Variants in TNPO1 observed in about 807,000 individuals in gnomAD.
The protein encoded by TNPO1 is transportin-1.
A neutral mutation model predicts 119.5 loss-of-function variants in TNPO1; 8 were observed. The observed-to-expected ratio is 0.07, with a 90% CI of 0.04 to 0.12. The LOEUF (loss-of-function observed/expected upper bound fraction) is 0.12, where lower values mean the gene tolerates loss of function less well. Among genes scored for constraint, TNPO1 ranks in the 10% least tolerant of loss-of-function variants. The pLI, the probability that TNPO1 is intolerant of heterozygous loss-of-function variation, is 1.00. For missense variants in TNPO1, 576 were observed against 1,089.8 expected (o/e 0.53, Z 6.64); for synonymous variants, 362 against 363.0 (o/e 1.00, Z 0.03).
At chr5:72,887,043 A>G (rs1353571364) in intron 11 of TNPO1, 27 bp from the exon 12 acceptor site, 6 of 1,590,598 alleles carry the variant, frequency 3.8e-6, no homozygotes, top group South Asian at 3.5e-5. Flanking sequence ...GGTTAATGTA[A>G]TATTTTTGAA....
At chr5:72,855,693 TATAA>T in intron 3 of TNPO1, 77 bp from the exon 4 acceptor site, 4 of 1,187,480 alleles carry the variant, frequency 3.4e-6, no homozygotes, top group Non-Finnish European at 4.7e-6. Context: ...AACTTTTGAA[TATAA>T]ATGTTTTTAA....
Position 72,914,244 on chromosome 5 carries a change from T to A in TNPO1, c.*5571T>A, listed in dbSNP as rs553026886. 3.3e-5 allele frequency: 5 copies of A among 152,650 alleles called. No homozygotes were observed. The East Asian group carries it at 9.6e-4, about 29-fold the overall frequency. 9.5% of individuals were successfully genotyped at this position (152,650 alleles called of 1,614,324 possible). A position where few individuals can be genotyped will look rare whatever the true frequency, so the allele number is the denominator to read the frequency against. On this transcript the variant is annotated 3_prime_UTR_variant, in exon 25 of 25. Coordinates refer to ENST00000337273, the MANE Select transcript of TNPO1 (RefSeq NM_002270.4). ...ATAAGCTGCTGAATTTTAAAGAGAGTTTTTTGGGGCCACCAAATATTTTGG... is the reference window on the plus strand; with the variant it reads ...ATAAGCTGCTGAATTTTAAAGAGAGATTTTTGGGGCCACCAAATATTTTGG...
intron 1 of TNPO1, among the ~76,000 whole-genome samples, chr5:72,821,156 C>T (rs751479211): frequency 3.3e-5 from 5 of 150,996 alleles, no homozygotes; most frequent in Non-Finnish European, 7.4e-5. Flanking sequence ...GAACTGCCTA[C>T]AAGGTGTAGG....
At chr5:72,891,764 G>GAC (rs768143828) in intron 14 of TNPO1, 46 bp from the exon 15 acceptor site, 2 of 1,356,612 alleles carry the variant, frequency 1.5e-6, no homozygotes, top group East Asian at 4.6e-5. Flanking sequence ...TGGTCTTGTT[G>GAC]ACATGTGATA....
At chr5:72,883,709 A>G (rs143497596) in intron 11 of TNPO1, among the ~76,000 whole-genome samples, 25 of 152,186 alleles carry the variant, frequency 1.6e-4, no homozygotes, top group Non-Finnish European at 2.8e-4. Flanking sequence ...ATACTCATGT[A>G]TAATTTTTGT....
chr5:72,905,279 ATT>A (rs1463134989), intron 23 of TNPO1, 22 bp from the exon 24 acceptor site: 2 of 1,543,412 alleles, frequency 1.3e-6, no homozygotes, highest in South Asian at 2.3e-5. Context: ...TTATTGATAA[ATT>A]AATGGTTTTT....
intron 24 of TNPO1, among the ~76,000 whole-genome samples, chr5:72,906,780 C>G (rs1052483460): frequency 5.3e-5 from 8 of 152,100 alleles, no homozygotes; most frequent in African/African-American, 1.7e-4. Flanking sequence ...GATGCCAGAA[C>G]TTAGTATGTT....
intron 9 of TNPO1, chr5:72,879,300 C>G (rs1269745498): frequency 6.4e-6 from 1 of 156,500 alleles, no homozygotes; most frequent in Non-Finnish European, 1.4e-5. Context: ...ATAACATAAA[C>G]CTATGCTATA....
At chr5:72,861,704 A>G (rs190776059) in intron 4 of TNPO1, 104 bp from the exon 5 acceptor site, 2 of 815,592 alleles carry the variant, frequency 2.5e-6, no homozygotes, top group East Asian at 2.7e-5. Flanking sequence ...TGCCTGGCCA[A>G]ATGTTATTAT....
rs911102029 is a variant in TNPO1 at position 72,906,106 on chromosome 5, G to A, written c.*35+661G>A. Among the ~76,000 whole-genome samples the A allele has an allele frequency of 5.3e-5, 8 of 151,758 alleles. No individual in the cohort carries two copies. The East Asian group carries it at 9.7e-4, about 18-fold the overall frequency. ...GAAGACATCGGCACTCATAGTGATG[G>A]GGTAAAATTGATTTCATTTTGGAGC... is the stretch of plus-strand genomic sequence containing the variant. On this transcript the variant is annotated intron_variant, in intron 24 of 24. Transcript: ENST00000337273.
intron 11 of TNPO1, among the ~76,000 whole-genome samples, chr5:72,885,743 G>GTT (rs34593186): frequency 1.1e-4 from 15 of 136,156 alleles, no homozygotes; most frequent in South Asian, 2.3e-4. Context: ...GTTTGGTTTG[G>GTT]TTTTTTTTTT....
rs79256377 is a variant in TNPO1, at chr5:72,834,876, A to G, written c.16-13509A>G. Among the ~76,000 whole-genome samples the G allele has an allele frequency of 2.9e-3, 448 of 152,116 alleles. 2 individuals are homozygous for G. The highest frequency in any genetic ancestry group is 0.01 in the African/African-American group (427 of 41,460). On this transcript the variant is annotated intron_variant, in intron 1 of 24. Coordinates refer to ENST00000337273, the MANE Select transcript of TNPO1 (RefSeq NM_002270.4). ...TTTTTTTATTTTTCATGCTTTTTAT[A>G]CTTTATTTTTTATTTTTATGCCTTT... is the stretch of plus-strand genomic sequence containing the variant.
chr5:72,816,749 C>A lies in TNPO1; in HGVS notation c.12C>A (p.Asp4Glu). ...CCGAGGCGTCTGGGATGGTGTGGGA[C>A]CGGGTAGGTGGCGTGAGGGTGCGCG... The part of the protein sequence containing the change: MVW[D>E]RQTKMEYEWK... Residue 4 changes from aspartate (D) to glutamate (E), a missense_variant, in exon 1 of 25, where the codon GAC becomes GAA. Around this residue, in one of 6 missense-constraint regions of TNPO1, gnomAD observed 57 missense variants for 59.5 expected, o/e 0.96. Transcript: ENST00000337273. The A allele has an allele frequency of 6.3e-7, 1 of 1,585,878 alleles. No individual in the cohort carries two copies. The highest frequency in any genetic ancestry group is 1.8e-5 in the Admixed American group (1 of 56,922).
intron 12 of TNPO1, 147 bp downstream of exon 12, chr5:72,887,369 T>C (rs1369238888): frequency 1.1e-6 from 1 of 900,742 alleles, no homozygotes; most frequent in Non-Finnish European, 1.6e-6. Flanking sequence ...CCCAGCTAGA[T>C]ATTTTGCAAA....
chr5:72,848,796 G>A (rs1745307544), intron 2 of TNPO1, among the ~76,000 whole-genome samples: 1 of 148,772 alleles, frequency 6.7e-6, no homozygotes, highest in Admixed American at 6.7e-5. Context: ...ATCGCGACAT[G>A]TGCGCGGGCC....
rs1750739787 is a variant in TNPO1 at position 72,914,182 on chromosome 5, G to T, written c.*5509G>T. 1 of 152,570 alleles carries T rather than the reference G, an allele frequency of 6.6e-6. No individual in the cohort carries two copies. Among genetic ancestry groups the T allele is most frequent in the South Asian group, 2.1e-4 (1 of 4,834 alleles). 9.5% of individuals were successfully genotyped at this position (152,570 alleles called of 1,614,324 possible). ...CTTGAAGTCTAACTCTGTGCTAACAGATCTCCATTTTAAATAGAATACGGT... is the reference window on the plus strand; with the variant it reads ...CTTGAAGTCTAACTCTGTGCTAACATATCTCCATTTTAAATAGAATACGGT... On this transcript the variant is annotated 3_prime_UTR_variant, in exon 25 of 25. Coordinates refer to ENST00000337273, the MANE Select transcript of TNPO1 (RefSeq NM_002270.4).
Position 72,821,231 on chromosome 5 carries a change from C to T in TNPO1, c.15+4479C>T, listed in dbSNP as rs1290105463. Among the ~76,000 whole-genome samples the T allele has an allele frequency of 2.6e-5, 4 of 151,880 alleles. 1 individual carries two copies. Among genetic ancestry groups the T allele is most frequent in the Admixed American group, 2.0e-4 (3 of 15,256 alleles). On this transcript the variant is annotated intron_variant, in intron 1 of 24. Coordinates refer to ENST00000337273, the MANE Select transcript of TNPO1 (RefSeq NM_002270.4). Reference sequence around the variant, plus strand: ...TTGAGTTGCATTTTATAGATGACTCCGAAGCCATTAGTAAAATAATTTATT... The same window carrying T: ...TTGAGTTGCATTTTATAGATGACTCTGAAGCCATTAGTAAAATAATTTATT...
At chr5:72,907,625 C>T (rs1750262727) in intron 24 of TNPO1, among the ~76,000 whole-genome samples, 1 of 152,120 alleles carries the variant, frequency 6.6e-6, no homozygotes. Context: ...TTCTTAATAT[C>T]CTTTTTATCA....
chr5:72,875,516 C>G lies in TNPO1; in HGVS notation c.679-99C>G, dbSNP rs1747694537. ...AGGCCAATTCAGTCAGTTTTTGGTACCTTTGTAGGGTTTCTTTAAATGTCA... is the reference window on the plus strand; with the variant it reads ...AGGCCAATTCAGTCAGTTTTTGGTAGCTTTGTAGGGTTTCTTTAAATGTCA... On this transcript the variant is annotated intron_variant, in intron 7 of 24. Coordinates refer to ENST00000337273, the MANE Select transcript of TNPO1 (RefSeq NM_002270.4). 3.8e-6 allele frequency: 5 copies of G among 1,327,112 alleles called. No homozygotes were observed. In the Admixed American group the frequency reaches 1.1e-4, roughly 28 times the overall value. 82.2% of individuals were successfully genotyped at this position (1,327,112 alleles called of 1,614,324 possible). A position where few individuals can be genotyped will look rare whatever the true frequency, so the allele number is the denominator to read the frequency against.
Sources: allele counts gnomAD v4.1 joint callset (sites outside exome capture counted in the v4.1 genomes callset), GRCh38; gene constraint gnomAD v4.1.1; regional missense constraint gnomAD v4.1.1; transcripts MANE v1.5; gene names NCBI Gene and HGNC (gene_info 2026-07-23, HGNC 2026-07-21).